Variants in DLGAP2 observed in about 807,000 individuals in gnomAD.
DLGAP2 encodes DLG associated protein 2, also known as disks large-associated protein 2.
Under a neutral mutation model 100.3 loss-of-function variants are expected in DLGAP2, and 26 were observed. The ratio of observed to expected loss-of-function variants is 0.26; its 90% CI spans 0.19 to 0.36. The LOEUF (loss-of-function observed/expected upper bound fraction) is 0.36, where lower values mean the gene tolerates loss of function less well. Among genes scored for constraint, DLGAP2 ranks in the 10% least tolerant of loss-of-function variants. The probability of loss-of-function intolerance (pLI) is 1.00; values close to 1 mark genes in which losing one functional copy is unlikely to be tolerated. For synonymous variants in DLGAP2, 886 were observed against 630.1 expected (o/e 1.41, Z -6.08); for missense variants, 1,858 against 1,453.2 (o/e 1.28, Z -4.53).
At chr8:1,563,924 AT>A (rs1381706982) in intron 5 of DLGAP2, among the ~76,000 whole-genome samples, 1 of 152,132 alleles carries the variant, frequency 6.6e-6, no homozygotes, top group Non-Finnish European at 1.5e-5. Context: ...GTAGCTAAGT[AT>A]TTTACAGCAA....
At chr8:767,990 C>G (rs1313922980) in intron 1 of DLGAP2, among the ~76,000 whole-genome samples, 4 of 152,184 alleles carry the variant, frequency 2.6e-5, no homozygotes, top group Admixed American at 2.6e-4. Context: ...AGAAAAGCAA[C>G]ACTTCTCTGA....
intron 3 of DLGAP2, among the ~76,000 whole-genome samples, chr8:1,346,948 G>C (rs984120467): frequency 6.6e-6 from 1 of 151,532 alleles, no homozygotes; most frequent in Non-Finnish European, 1.5e-5. Flanking sequence ...TCTCATGGTA[G>C]CTCTGTGGAA....
intron 3 of DLGAP2, among the ~76,000 whole-genome samples, chr8:1,425,665 A>C (rs1012697024): frequency 3.3e-5 from 5 of 152,160 alleles, no homozygotes; most frequent in Admixed American, 3.3e-4. Context: ...AACCCCTGAG[A>C]CTGCCCTGAT....
At chr8:914,411 A>T (rs578054164) in intron 2 of DLGAP2, among the ~76,000 whole-genome samples, 1 of 152,380 alleles carries the variant, frequency 6.6e-6, no homozygotes, top group Non-Finnish European at 1.5e-5. Flanking sequence ...AAATGCCTTT[A>T]TTAGAAAATT....
chr8:941,174 G>A (rs954303848), intron 2 of DLGAP2, among the ~76,000 whole-genome samples: 69 of 152,166 alleles, frequency 4.5e-4, no homozygotes, highest in African/African-American at 1.6e-3. Context: ...AGTCCTGTTT[G>A]TGGGGTGGAA....
intron 2 of DLGAP2, among the ~76,000 whole-genome samples, chr8:1,214,935 C>T (rs1284085880): frequency 6.6e-6 from 1 of 152,230 alleles, no homozygotes; most frequent in African/African-American, 2.4e-5. Flanking sequence ...GGCTGAAACA[C>T]ACTAGAACAT....
intron 2 of DLGAP2, among the ~76,000 whole-genome samples, chr8:943,494 A>G (rs1799242258): frequency 6.6e-6 from 1 of 152,252 alleles, no homozygotes; most frequent in African/African-American, 2.4e-5. Flanking sequence ...CCATCCCGCC[A>G]CAAGCACAGC....
chr8:1,495,143 G>A (rs142180578), intron 3 of DLGAP2, among the ~76,000 whole-genome samples: 2 of 152,298 alleles, frequency 1.3e-5, no homozygotes, highest in Non-Finnish European at 1.5e-5. Context: ...GGGGGCCAGC[G>A]TCAAGGTCAA....
intron 1 of DLGAP2, among the ~76,000 whole-genome samples, chr8:880,724 T>A (rs934751009): frequency 2.0e-5 from 3 of 150,738 alleles, no homozygotes; most frequent in Admixed American, 2.0e-4. Flanking sequence ...TGCGACATGG[T>A]ATCTGTGCTG....
intron 2 of DLGAP2, among the ~76,000 whole-genome samples, chr8:998,085 C>A (rs10093097): frequency 0.36 from 54,376 of 151,470 alleles, 10,134 homozygotes; most frequent in Non-Finnish European, 0.41. Flanking sequence ...GTGCACACAC[C>A]CGTGTCTGCA....
chr8:1,033,804 G>C (rs1275887010), intron 2 of DLGAP2, among the ~76,000 whole-genome samples: 1 of 146,098 alleles, frequency 6.8e-6, no homozygotes, highest in Non-Finnish European at 1.5e-5. Flanking sequence ...CCGACCCCGC[G>C]TGTCACCGCG....
At chr8:1,184,514 C>A (rs77868425) in intron 2 of DLGAP2, among the ~76,000 whole-genome samples, 2 of 152,206 alleles carry the variant, frequency 1.3e-5, no homozygotes, top group African/African-American at 4.8e-5. Flanking sequence ...ACGCGCTGTT[C>A]TCAGGGCAGT....
intron 3 of DLGAP2, among the ~76,000 whole-genome samples, chr8:1,439,300 C>T (rs1440162243): frequency 2.0e-5 from 3 of 152,176 alleles, no homozygotes; most frequent in African/African-American, 2.4e-5. Context: ...GGGACAGAGG[C>T]TGTGGGGGTT....
At position 1,706,196 on chromosome 8, in the gene DLGAP2, T is replaced by G. The variant is rs558533068; in HGVS notation, c.*4790T>G. 6.6e-6 allele frequency: 1 copy of G among 152,266 alleles called. No individual in the cohort carries two copies. Among genetic ancestry groups the G allele is most frequent in the Non-Finnish European group, 1.5e-5 (1 of 68,052 alleles). The allele number at this position is 152,266 out of a possible 1,614,324, so 9.4% of individuals were successfully genotyped here. On this transcript the variant is annotated 3_prime_UTR_variant, in exon 15 of 15. Coordinates refer to ENST00000637795, the MANE Select transcript of DLGAP2 (RefSeq NM_001346810.2). ...AATGAAGGAGATATTGCTAGGAATC[T>G]CTAGGCTGTTAGGCAACCTGGCTTT...
chr8:1,318,338 T>C (rs1800814205), intron 3 of DLGAP2, among the ~76,000 whole-genome samples: 1 of 152,088 alleles, frequency 6.6e-6, no homozygotes, highest in Non-Finnish European at 1.5e-5. Flanking sequence ...TCAGCTTTAC[T>C]TTCCTGGATT....
chr8:1,097,655 C>T (rs1162615806), intron 2 of DLGAP2, among the ~76,000 whole-genome samples: 4 of 139,512 alleles, frequency 2.9e-5, no homozygotes, highest in Non-Finnish European at 4.6e-5. Flanking sequence ...GAGCTGGGAG[C>T]CCGGGGCAGG....
intron 2 of DLGAP2, among the ~76,000 whole-genome samples, chr8:994,383 A>G (rs1296941046): frequency 6.6e-6 from 1 of 151,988 alleles, no homozygotes; most frequent in Non-Finnish European, 1.5e-5. Context: ...TATTTTTAGT[A>G]GAGACGGGTT....
intron 3 of DLGAP2, among the ~76,000 whole-genome samples, chr8:1,328,775 A>G: frequency 6.6e-6 from 1 of 152,236 alleles, no homozygotes; most frequent in African/African-American, 2.4e-5. Flanking sequence ...GAGACGGCGG[A>G]AATGTCGGGA....
intron 4 of DLGAP2, among the ~76,000 whole-genome samples, chr8:1,530,399 T>C (rs1800948887): frequency 6.6e-6 from 1 of 152,230 alleles, no homozygotes; most frequent in Non-Finnish European, 1.5e-5. Flanking sequence ...GTTATCTCTC[T>C]TATTCCCTGA....
Sources: gnomAD v4.1 joint callset for allele counts (sites outside exome capture counted in the v4.1 genomes callset) on GRCh38, gnomAD v4.1.1 for gene constraint, MANE v1.5 for transcripts, NCBI Gene and HGNC (gene_info 2026-07-23, HGNC 2026-07-21) for gene names.